P4HA3: variants seen among roughly 807,000 people sequenced by gnomAD.
The protein encoded by P4HA3 is prolyl 4-hydroxylase subunit alpha 3.
Under a neutral mutation model 66.7 loss-of-function variants are expected in P4HA3, and 60 were observed. That is an observed-to-expected ratio of 0.90 (90% CI 0.73 to 1.12). The LOEUF is 1.12. Ranked by LOEUF, P4HA3 falls within the 50% of genes most tolerant of loss-of-function variation. The pLI, the probability that P4HA3 is intolerant of heterozygous loss-of-function variation, is 0.00. For synonymous variants in P4HA3, 263 were observed against 274.6 expected (o/e 0.96, Z 0.42); for missense variants, 683 against 685.8 (o/e 1.00, Z 0.05).
At chr11:74,308,132 T>C (rs1392383824) in intron 1 of P4HA3, among the ~76,000 whole-genome samples, 1 of 152,152 alleles carries the variant, frequency 6.6e-6, no homozygotes, top group African/African-American at 2.4e-5. Flanking sequence ...ACTGAGAGCC[T>C]TGGAAATAGC....
At chr11:74,271,333 C>A (rs372594289) in intron 10 of P4HA3, among the ~76,000 whole-genome samples, 1 of 152,134 alleles carries the variant, frequency 6.6e-6, no homozygotes, top group African/African-American at 2.4e-5. Flanking sequence ...CAGTAAGGGG[C>A]AACCTGGACT....
chr11:74,299,748 C>A (rs1861345560), intron 3 of P4HA3, among the ~76,000 whole-genome samples: 1 of 150,760 alleles, frequency 6.6e-6, no homozygotes. Context: ...AGCTTATGAG[C>A]AGATGCTGAT....
intron 7 of P4HA3, among the ~76,000 whole-genome samples, chr11:74,280,588 C>T (rs1207156356): frequency 1.3e-5 from 2 of 152,202 alleles, no homozygotes; most frequent in Non-Finnish European, 2.9e-5. Flanking sequence ...CTCATGAGGG[C>T]AAGGACTTGG....
intron 11 of P4HA3, among the ~76,000 whole-genome samples, chr11:74,268,650 T>C (rs1311483456): frequency 6.6e-6 from 1 of 152,218 alleles, no homozygotes; most frequent in Non-Finnish European, 1.5e-5. Context: ...AGCATGTCAT[T>C]AACTCAGAAG....
At chr11:74,258,052 A>G (rs182087316) in intron 15 of P4HA3, among the ~76,000 whole-genome samples, 3 of 151,910 alleles carry the variant, frequency 2.0e-5, no homozygotes, top group East Asian at 1.9e-4. Context: ...ACGCAGTCAC[A>G]CTCCTCCCTG....
At chr11:74,299,797 T>A (rs1162804330) in intron 3 of P4HA3, among the ~76,000 whole-genome samples, 1 of 152,144 alleles carries the variant, frequency 6.6e-6, no homozygotes, top group Non-Finnish European at 1.5e-5. Context: ...CATAGTAACC[T>A]TGGTGTTCAG....
chr11:74,269,858 C>A, intron 10 of P4HA3, 138 bp from the exon 11 acceptor site: 1 of 921,776 alleles, frequency 1.1e-6, no homozygotes, highest in Non-Finnish European at 1.6e-6. Context: ...GACAATCATC[C>A]AACTCAGGAG....
At position 74,292,082 on chromosome 11, in the gene P4HA3, T is replaced by G. The variant is rs1176946266; in HGVS notation, c.718-2952A>C. ...TGTGAATCCATCTGGTCCTGGACTT[T>G]TTTTGGTTGGTAAGCTATTGATTAT... is the stretch of plus-strand genomic sequence containing the variant. On this transcript the variant is annotated intron_variant, in intron 4 of 12. Transcript: ENST00000331597. Among the ~76,000 whole-genome samples, 11 of 152,318 alleles carry G rather than the reference T, an allele frequency of 7.2e-5. No homozygotes were observed. In the East Asian group the frequency reaches 1.9e-3, roughly 27 times the overall value.
rs148795025 is a variant in P4HA3, at chr11:74,251,605, T to C, written c.*1319-3604A>G. 332 of 1,603,440 alleles carry C rather than the reference T, an allele frequency of 2.1e-4. No individual in the cohort carries two copies. The African/African-American group carries it at 4.2e-3, about 20-fold the overall frequency. On this transcript the variant is annotated intron_variant and NMD_transcript_variant, in intron 15 of 15. Transcript: ENST00000524388. ...GCTCACAGCCCAAGGCTAAGCCCCA[T>C]CACTAACCTTTATATGGCCTGGAAT... is the stretch of plus-strand genomic sequence containing the variant.
intron 15 of P4HA3, chr11:74,251,227 T>A (rs745480545): frequency 7.1e-7 from 1 of 1,402,780 alleles, no homozygotes; most frequent in African/African-American, 1.4e-5. Context: ...CTACTGACAC[T>A]CTGCTATTTC....
At chr11:74,287,547 C>T (rs1032728690) in intron 5 of P4HA3, among the ~76,000 whole-genome samples, 1 of 152,090 alleles carries the variant, frequency 6.6e-6, no homozygotes, top group Non-Finnish European at 1.5e-5. Context: ...TTGTTTGTAC[C>T]ACTAATTACT....
intron 15 of P4HA3, among the ~76,000 whole-genome samples, chr11:74,259,105 C>CA (rs1177248534): frequency 1.3e-5 from 2 of 152,134 alleles, no homozygotes; most frequent in Non-Finnish European, 2.9e-5. Context: ...ACGTCCTTCT[C>CA]AAAAAACTTT....
chr11:74,262,215 T>G (rs1859917918), downstream of P4HA3, among the ~76,000 whole-genome samples: 1 of 152,192 alleles, frequency 6.6e-6, no homozygotes. Flanking sequence ...CCACTCCTAG[T>G]ACCTCATTCC....
intron 5 of P4HA3, among the ~76,000 whole-genome samples, chr11:74,288,821 C>T (rs538918976): frequency 7.9e-5 from 12 of 151,504 alleles, no homozygotes; most frequent in Non-Finnish European, 1.6e-4. Flanking sequence ...TGGTGGTGGG[C>T]GCCTGTAATC....
rs1591102117 is a variant in P4HA3 at position 74,279,362 on chromosome 11, T to C, written c.1175+26A>G. 1.9e-6 allele frequency: 3 copies of C among 1,609,848 alleles called. No individual in the cohort carries two copies. In the South Asian group the frequency reaches 3.3e-5, roughly 18 times the overall value. Reference sequence around the variant, plus strand: ...CTACGGCCCGAGGGTGGGCAGCAGGTATGACCAAGGAAGGGCCCTTCTTAC... The same window carrying C: ...CTACGGCCCGAGGGTGGGCAGCAGGCATGACCAAGGAAGGGCCCTTCTTAC... On this transcript the variant is annotated intron_variant, in intron 8 of 12. Coordinates refer to ENST00000331597, the MANE Select transcript of P4HA3 (RefSeq NM_182904.5).
chr11:74,308,466 G>C (rs1861636406), intron 1 of P4HA3, among the ~76,000 whole-genome samples: 1 of 152,130 alleles, frequency 6.6e-6, no homozygotes. Context: ...CTTGAGCCAG[G>C]GGTTTGAGGT....
intron 4 of P4HA3, among the ~76,000 whole-genome samples, chr11:74,290,927 G>T (rs952111390): frequency 1.3e-5 from 2 of 152,172 alleles, no homozygotes; most frequent in African/African-American, 4.8e-5. Context: ...TGGCGATGCG[G>T]GCTCTTTTTT....
intron 15 of P4HA3, among the ~76,000 whole-genome samples, chr11:74,258,938 T>C (rs1007503998): frequency 6.6e-6 from 1 of 152,192 alleles, no homozygotes; most frequent in Non-Finnish European, 1.5e-5. Flanking sequence ...ATAAGGGGAT[T>C]CATTCATCCT....
rs1264205459 is a variant in P4HA3 at position 74,267,066 on chromosome 11, T to G, written c.*182A>C. 2 of 1,537,062 alleles carry G rather than the reference T, an allele frequency of 1.3e-6. No homozygotes were observed. Among genetic ancestry groups the G allele is most frequent in the Non-Finnish European group, 1.7e-6 (2 of 1,146,908 alleles). Reference sequence around the variant, plus strand: ...ACTTCCGTGGCTGGGGCAGATCAAATGTACATTCTCAGTGTCCCCTGGTAA... The same window carrying G: ...ACTTCCGTGGCTGGGGCAGATCAAAGGTACATTCTCAGTGTCCCCTGGTAA... On this transcript the variant is annotated 3_prime_UTR_variant, in exon 13 of 13. Transcript: ENST00000331597.
Sources: gnomAD v4.1 joint callset for allele counts (sites outside exome capture counted in the v4.1 genomes callset) on GRCh38, gnomAD v4.1.1 for gene constraint, MANE v1.5 for transcripts, NCBI Gene and HGNC (gene_info 2026-07-23, HGNC 2026-07-21) for gene names.